TCF4: variants seen among roughly 807,000 people sequenced by gnomAD.
TCF4 encodes SL3-3 enhancer factor 2.
TCF4 carries 3 observed loss-of-function variants against 82.1 expected under a neutral mutation model. The ratio of observed to expected loss-of-function variants is 0.04; its 90% CI spans 0.02 to 0.09. The LOEUF is 0.09. Ranked by LOEUF, TCF4 falls within the 10% of genes least tolerant of loss-of-function variation. TCF4 has a pLI of 1.00. For missense variants in TCF4, 518 were observed against 852.7 expected (o/e 0.61, Z 4.89); for synonymous variants, 276 against 309.6 (o/e 0.89, Z 1.14).
chr18:55,629,508 TG>T (rs1354904393), intron 2 of TCF4, among the ~76,000 whole-genome samples: 1 of 152,152 alleles, frequency 6.6e-6, no homozygotes, highest in Non-Finnish European at 1.5e-5. Context: ...TAAGATACTA[TG>T]GGGCTTGGGT....
chr18:55,356,636 T>A (rs939438290), intron 6 of TCF4, among the ~76,000 whole-genome samples: 1 of 152,190 alleles, frequency 6.6e-6, no homozygotes, highest in African/African-American at 2.4e-5. Flanking sequence ...ACATTCGAAC[T>A]CTTGCTACAG....
At chr18:55,527,476 T>C (rs1468506500) in intron 3 of TCF4, among the ~76,000 whole-genome samples, 3 of 152,156 alleles carry the variant, frequency 2.0e-5, no homozygotes, top group Non-Finnish European at 2.9e-5. Flanking sequence ...AAAATTCACA[T>C]CCCTGGTTCT....
chr18:55,530,314 A>G (rs1477204836), intron 3 of TCF4, among the ~76,000 whole-genome samples: 3 of 152,154 alleles, frequency 2.0e-5, no homozygotes, highest in African/African-American at 7.2e-5. Flanking sequence ...CTTTTTAGAA[A>G]GAGTAGGGGG....
chr18:55,244,961 T>C (rs933834410), intron 15 of TCF4, among the ~76,000 whole-genome samples: 10 of 152,228 alleles, frequency 6.6e-5, no homozygotes, highest in Non-Finnish European at 1.0e-4. Flanking sequence ...ATGTGGCTAT[T>C]GTATCAGGAC....
chr18:55,587,704 G>A (rs1441811997), intron 1 of TCF4, among the ~76,000 whole-genome samples: 1 of 151,864 alleles, frequency 6.6e-6, no homozygotes, highest in Non-Finnish European at 1.5e-5. Context: ...AAGGGGGAGG[G>A]GTGGGGTGAC....
chr18:55,634,378 A>C (rs190341868), intron 1 of TCF4, among the ~76,000 whole-genome samples: 8 of 151,970 alleles, frequency 5.3e-5, no homozygotes, highest in African/African-American at 1.9e-4. Context: ...ACTAATTTAT[A>C]ATATTTTACA....
At chr18:55,439,879 C>A (rs1038386022) in intron 5 of TCF4, among the ~76,000 whole-genome samples, 1 of 152,182 alleles carries the variant, frequency 6.6e-6, no homozygotes, top group African/African-American at 2.4e-5. Flanking sequence ...CGTGCCACCA[C>A]GCCTGGCTAA....
chr18:55,262,543 C>T (rs542296450), intron 11 of TCF4, among the ~76,000 whole-genome samples: 1 of 152,180 alleles, frequency 6.6e-6, no homozygotes, highest in African/African-American at 2.4e-5. Context: ...GTTAAATCAC[C>T]CAATGAATCC....
chr18:55,465,448 C>G (rs925738013), intron 3 of TCF4, among the ~76,000 whole-genome samples: 6 of 151,666 alleles, frequency 4.0e-5, no homozygotes, highest in Non-Finnish European at 5.9e-5. Flanking sequence ...TATTATTTCA[C>G]TTCCTTTTAG....
intron 10 of TCF4, 109 bp downstream of exon 10, chr18:55,275,510 C>T (rs897393185): frequency 1.4e-6 from 2 of 1,432,638 alleles, no homozygotes; most frequent in Non-Finnish European, 2.0e-6. Flanking sequence ...TGGGTGTGTG[C>T]CATTTTTGCA....
intron 3 of TCF4, among the ~76,000 whole-genome samples, chr18:55,561,923 A>C (rs1219018875): frequency 6.6e-6 from 1 of 152,216 alleles, no homozygotes; most frequent in African/African-American, 2.4e-5. Context: ...CAAATGAATA[A>C]ATTCATTAAG....
intron 3 of TCF4, chr18:55,519,102 A>G (rs777350486): frequency 1.3e-5 from 2 of 152,194 alleles, no homozygotes; most frequent in Admixed American, 6.5e-5. Context: ...TAGCAACAAC[A>G]TAAGACTCCC....
At chr18:55,536,751 C>T (rs372774246) in intron 3 of TCF4, among the ~76,000 whole-genome samples, 1 of 152,090 alleles carries the variant, frequency 6.6e-6, no homozygotes, top group Non-Finnish European at 1.5e-5. Context: ...AGTTTCATTG[C>T]CAGTAAAACT....
chr18:55,462,554 G>A (rs937661326), intron 4 of TCF4, among the ~76,000 whole-genome samples: 1 of 152,260 alleles, frequency 6.6e-6, no homozygotes, highest in Non-Finnish European at 1.5e-5. Context: ...TATTCCTTGA[G>A]AAAAATGGCA....
intron 15 of TCF4, among the ~76,000 whole-genome samples, chr18:55,245,831 G>C (rs2052937298): frequency 6.6e-6 from 1 of 151,014 alleles, no homozygotes; most frequent in South Asian, 2.1e-4. Context: ...ATTATAGTTA[G>C]ACCCATATTT....
At chr18:55,370,382 C>G (rs150848075) in intron 6 of TCF4, among the ~76,000 whole-genome samples, 99 of 151,740 alleles carry the variant, frequency 6.5e-4, no homozygotes, top group African/African-American at 2.2e-3. Context: ...CCAGCCTGGG[C>G]TCAGTACATA....
At chr18:55,261,054 G>C (rs1157921812) in intron 12 of TCF4, 1 of 162,410 alleles carries the variant, frequency 6.2e-6, no homozygotes, top group Non-Finnish European at 1.3e-5. Context: ...GTTCTTCATG[G>C]ACCTCAGTTA....
chr18:55,529,663 G>A (rs2097035460), intron 3 of TCF4, among the ~76,000 whole-genome samples: 1 of 152,134 alleles, frequency 6.6e-6, no homozygotes, highest in Non-Finnish European at 1.5e-5. Flanking sequence ...CAGGGAATCT[G>A]TGAGTAAAAT....
chr18:55,330,886 C>A (rs190509118), intron 8 of TCF4, among the ~76,000 whole-genome samples: 2 of 152,288 alleles, frequency 1.3e-5, no homozygotes, highest in Non-Finnish European at 1.5e-5. Flanking sequence ...TTGTAACTTA[C>A]CTGCATAAGT....
Sources: allele counts gnomAD v4.1 joint callset (sites outside exome capture counted in the v4.1 genomes callset), GRCh38; gene constraint gnomAD v4.1.1; transcripts MANE v1.5; gene names NCBI Gene and HGNC (gene_info 2026-07-23, HGNC 2026-07-21).